STRADB: variants seen among roughly 807,000 people sequenced by gnomAD.
The protein encoded by STRADB is STE20 related adaptor beta.
In STRADB, 34 loss-of-function variants were observed where a neutral mutation model predicts 52.1. The ratio of observed to expected loss-of-function variants is 0.65; its 90% CI spans 0.50 to 0.87. The LOEUF is 0.87. Among genes scored for constraint, STRADB ranks in the 40% least tolerant of loss-of-function variants. The pLI is 0.00. For missense variants in STRADB, 340 were observed against 483.9 expected (o/e 0.70, Z 2.79); for synonymous variants, 133 against 174.5 (o/e 0.76, Z 1.87).
intron 10 of STRADB, chr2:201,479,059 C>G (rs566756850): frequency 2.8e-5 from 5 of 179,760 alleles, no homozygotes; most frequent in Non-Finnish European, 5.7e-5. Context: ...GGTGACAGAG[C>G]GAGACTCCAT....
Position 201,480,557 on chromosome 2 carries a change from C to T in STRADB, c.*382C>T, listed in dbSNP as rs1389264613. Reference sequence around the variant, plus strand: ...CCAAGTACATCTTCTCCCAGATTCTCTGGCCTTTTTAATGAGCTATTGTTA... The same window carrying T: ...CCAAGTACATCTTCTCCCAGATTCTTTGGCCTTTTTAATGAGCTATTGTTA... On this transcript the variant is annotated 3_prime_UTR_variant, in exon 12 of 12. Transcript: ENST00000194530. The T allele has an allele frequency of 9.9e-7, 1 of 1,007,756 alleles. No homozygotes were observed. Among genetic ancestry groups the T allele is most frequent in the Non-Finnish European group, 1.2e-6 (1 of 843,086 alleles). 62.4% of individuals were successfully genotyped at this position (1,007,756 alleles called of 1,614,324 possible).
chr2:201,464,846 A>G (rs1476674710), intron 3 of STRADB, among the ~76,000 whole-genome samples: 1 of 152,238 alleles, frequency 6.6e-6, no homozygotes, highest in Non-Finnish European at 1.5e-5. Flanking sequence ...TTCCTCAGGC[A>G]GAAGGAGTCT....
At position 201,451,745 on chromosome 2, in the gene STRADB, C is replaced by T. The variant is rs1318684096; in HGVS notation, c.-289C>T. On this transcript the variant is annotated 5_prime_UTR_variant, in exon 1 of 12. Transcript: ENST00000194530. ...GGCGCGGGTGGGGCGAATGCGTTCC[C>T]AGCGGGTAGCCTGGGACTGGTGCAG... The T allele has an allele frequency of 6.6e-6, 1 of 152,018 alleles. No individual in the cohort carries two copies. The highest frequency in any genetic ancestry group is 2.4e-5 in the African/African-American group (1 of 41,416). The allele number at this position is 152,018 out of a possible 1,614,324, so 9.4% of individuals were successfully genotyped here. A position where few individuals can be genotyped will look rare whatever the true frequency, so the allele number is the denominator to read the frequency against.
chr2:201,456,882 A>G (rs1952136736), intron 2 of STRADB, among the ~76,000 whole-genome samples: 1 of 152,222 alleles, frequency 6.6e-6, no homozygotes, highest in African/African-American at 2.4e-5. Flanking sequence ...GGAGTTCCAT[A>G]GTATATGCAC....
intron 4 of STRADB, 163 bp from the exon 5 acceptor site, chr2:201,472,792 G>T: frequency 1.7e-6 from 1 of 572,046 alleles, no homozygotes; most frequent in Non-Finnish European, 2.8e-6. Flanking sequence ...TTTTTTAATT[G>T]GATTGCTTGA....
intron 2 of STRADB, among the ~76,000 whole-genome samples, 168 bp from the exon 3 acceptor site, chr2:201,458,616 C>CATGCTGAGTTCCTCATGATGTGG (rs1321377462): frequency 1.3e-5 from 2 of 152,212 alleles, no homozygotes; most frequent in Non-Finnish European, 2.9e-5. Context: ...CCTTCTCTCC[C>CATGCTGAGTTCCTCATGATGTGG]ATGCTGAGTT....
chr2:201,453,242 C>T (rs1467254286), intron 1 of STRADB, among the ~76,000 whole-genome samples: 1 of 152,046 alleles, frequency 6.6e-6, no homozygotes, highest in East Asian at 1.9e-4. Flanking sequence ...AAATAGACAA[C>T]GTAATGGAGT....
At chr2:201,479,717 T>A (rs1952540238) in intron 11 of STRADB, among the ~76,000 whole-genome samples, 186 bp downstream of exon 11, 1 of 152,224 alleles carries the variant, frequency 6.6e-6, no homozygotes, top group African/African-American at 2.4e-5. Flanking sequence ...ACTTTCATTC[T>A]TCAAAACAGA....
chr2:201,456,028 C>T (rs760088781), intron 2 of STRADB, among the ~76,000 whole-genome samples: 10 of 152,258 alleles, frequency 6.6e-5, no homozygotes, highest in South Asian at 4.1e-4. Flanking sequence ...GGAAAATACA[C>T]GGAGGTGAAA....
intron 3 of STRADB, among the ~76,000 whole-genome samples, chr2:201,464,429 T>C (rs1427530924): frequency 6.6e-6 from 1 of 152,200 alleles, no homozygotes; most frequent in Non-Finnish European, 1.5e-5. Context: ...TTTCTTCCCT[T>C]ACTTTTCCCC....
At chr2:201,452,262 C>T (rs946944721) in intron 1 of STRADB, among the ~76,000 whole-genome samples, 15 of 152,122 alleles carry the variant, frequency 9.9e-5, no homozygotes, top group Non-Finnish European at 2.1e-4. Flanking sequence ...CTCCCCGCAC[C>T]CCTCACCTTT....
At chr2:201,477,274 C>T (rs974157140) in intron 7 of STRADB, among the ~76,000 whole-genome samples, 5 of 151,738 alleles carry the variant, frequency 3.3e-5, no homozygotes, top group African/African-American at 4.8e-5. Flanking sequence ...CCATGTTATC[C>T]AGGATGGCCT....
At chr2:201,459,927 C>T (rs1243677964) in intron 3 of STRADB, among the ~76,000 whole-genome samples, 1 of 152,078 alleles carries the variant, frequency 6.6e-6, no homozygotes, top group Non-Finnish European at 1.5e-5. Flanking sequence ...TCTGTGAAGC[C>T]TTTCCACTTA....
chr2:201,468,492 T>C (rs1009717663), intron 3 of STRADB, among the ~76,000 whole-genome samples: 1 of 152,226 alleles, frequency 6.6e-6, no homozygotes, highest in Admixed American at 6.5e-5. Flanking sequence ...AGTTCTATCA[T>C]AGTTGCAAAC....
chr2:201,478,822 C>T (rs999185467), intron 10 of STRADB, among the ~76,000 whole-genome samples: 5 of 151,790 alleles, frequency 3.3e-5, no homozygotes, highest in African/African-American at 1.2e-4. Context: ...ACCTGTAATC[C>T]CAGAACTTTG....
At chr2:201,454,083 A>G (rs1274490350) in intron 1 of STRADB, among the ~76,000 whole-genome samples, 1 of 152,196 alleles carries the variant, frequency 6.6e-6, no homozygotes. Context: ...GATGAAAGAG[A>G]TGATGTTGGT....
chr2:201,454,787 C>T lies in STRADB; in HGVS notation c.-54C>T. The T allele has an allele frequency of 6.5e-7, 1 of 1,549,500 alleles. No homozygotes were observed. Among genetic ancestry groups the T allele is most frequent in the Non-Finnish European group, 8.8e-7 (1 of 1,141,214 alleles). On this transcript the variant is annotated 5_prime_UTR_variant, in exon 2 of 12. Coordinates refer to ENST00000194530, the MANE Select transcript of STRADB (RefSeq NM_018571.6). ...CTTGAAAGGAAGATAAAACAAAAGC[C>T]TTCTTTGGAATAGATGGATTTTTGT...
At chr2:201,456,550 T>C (rs1161348063) in intron 2 of STRADB, among the ~76,000 whole-genome samples, 1 of 147,970 alleles carries the variant, frequency 6.8e-6, no homozygotes, top group Non-Finnish European at 1.5e-5. Flanking sequence ...GTGAAATATT[T>C]TAAATTCTTT....
Position 201,478,123 on chromosome 2 carries a change from A to G in STRADB, c.757A>G (p.Ser253Gly). The change falls in exon 9 of 12, where the codon AGT becomes GGT. Residue 253 changes from serine (S) to glycine (G), a missense_variant. Coordinates refer to ENST00000194530, the MANE Select transcript of STRADB (RefSeq NM_018571.6). ...GTATAATGTGAAGTCAGATATTTAC[A>G]GTGTTGGGATTACAGCATGTGAATT... ...HGYNVKSDIY[S>G]VGITACELAS... is the part of the protein sequence containing the mutation. 6.2e-7 allele frequency: 1 copy of G among 1,612,988 alleles called. No homozygotes were observed.
Sources: gnomAD v4.1 joint callset for allele counts (sites outside exome capture counted in the v4.1 genomes callset) on GRCh38, gnomAD v4.1.1 for gene constraint, MANE v1.5 for transcripts, NCBI Gene and HGNC (gene_info 2026-07-23, HGNC 2026-07-21) for gene names.